The following NPSR1 variants were observed in gnomAD, a reference collection of about 807,000 sequenced individuals.
NPSR1 encodes the protein neuropeptide S receptor 1, also known as neuropeptide S receptor.
A neutral mutation model predicts 46.9 loss-of-function variants in NPSR1; 48 were observed. The ratio of observed to expected loss-of-function variants is 1.02; its 90% confidence interval spans 0.81 to 1.30. NPSR1 has a LOEUF of 1.30. Ranked by LOEUF, NPSR1 falls within the 50% of genes most tolerant of loss-of-function variation. The probability of loss-of-function intolerance (pLI) is 0.00; values close to 1 mark genes in which losing one functional copy is unlikely to be tolerated. For synonymous variants in NPSR1, 176 were observed against 168.1 expected (o/e 1.05, Z -0.36); for missense variants, 450 against 449.5 (o/e 1.00, Z -0.01).
Position 34,849,765 on chromosome 7 carries a change from A to G in NPSR1, c.*110A>G. The G allele has an allele frequency of 6.5e-7, 1 of 1,542,058 alleles. No homozygotes were observed. The highest frequency in any genetic ancestry group is 2.3e-5 in the East Asian group (1 of 43,814). On this transcript the variant is annotated 3_prime_UTR_variant, in exon 9 of 9. Coordinates refer to ENST00000360581, the MANE Select transcript of NPSR1 (RefSeq NM_207172.2). Reference sequence around the variant, plus strand: ...GAGCCAACTTCACCCCACCCTCGTCATTACCTGGGAGATGCACAAGACAAA... The same window carrying G: ...GAGCCAACTTCACCCCACCCTCGTCGTTACCTGGGAGATGCACAAGACAAA...
At chr7:34,848,451 G>T in intron 7 of NPSR1, 32 bp from the exon 8 acceptor site, 3 of 1,605,420 alleles carry the variant, frequency 1.9e-6, no homozygotes, top group Non-Finnish European at 2.6e-6. Flanking sequence ...ACTGCTACCT[G>T]CTGTGATGCT....
At chr7:34,675,628 A>T (rs558715097) in intron 1 of NPSR1, among the ~76,000 whole-genome samples, 7 of 152,362 alleles carry the variant, frequency 4.6e-5, no homozygotes, top group Admixed American at 2.0e-4. Flanking sequence ...GCCTGCCAGC[A>T]TGGGCATCCT....
intron 2 of NPSR1, among the ~76,000 whole-genome samples, chr7:34,730,080 A>C (rs1332361432): frequency 2.0e-5 from 3 of 152,204 alleles, no homozygotes; most frequent in Non-Finnish European, 4.4e-5. Flanking sequence ...GGTCATGAAT[A>C]AATTTTAAAA....
intron 6 of NPSR1, among the ~76,000 whole-genome samples, chr7:34,835,539 C>A (rs1790325172): frequency 6.6e-6 from 1 of 152,138 alleles, no homozygotes; most frequent in South Asian, 2.1e-4. Context: ...TTTGTTGGAC[C>A]AAGACAGAGC....
At chr7:34,877,254 A>T (rs1163100811) in intron 8 of NPSR1, among the ~76,000 whole-genome samples, 1 of 152,072 alleles carries the variant, frequency 6.6e-6, no homozygotes, top group Non-Finnish European at 1.5e-5. Context: ...ACTTGGATGC[A>T]TGGGGGTGTG....
At chr7:34,720,899 A>G (rs554157208) in intron 2 of NPSR1, among the ~76,000 whole-genome samples, 2 of 152,340 alleles carry the variant, frequency 1.3e-5, no homozygotes, top group East Asian at 1.9e-4. Context: ...TAGAGAAACC[A>G]TAAATAATTT....
rs117996983 is a variant in NPSR1 at position 34,720,639 on chromosome 7, A to C, written c.280+35955A>C. Among the ~76,000 whole-genome samples, 1,419 of 152,072 alleles carry C rather than the reference A, an allele frequency of 9.3e-3. 12 individuals carry two copies. Among genetic ancestry groups the C allele is most frequent in the Middle Eastern group, 0.017 (5 of 294 alleles). On this transcript the variant is annotated intron_variant, in intron 2 of 8. Transcript: ENST00000360581. ...ATGGGGAGTGAGTGTGCATGTACTT[A>C]ACTGCAGTATTTAAGAGTCCTGAAG...
chr7:34,747,101 G>A (rs1023479161), intron 2 of NPSR1, among the ~76,000 whole-genome samples: 1 of 147,114 alleles, frequency 6.8e-6, no homozygotes, highest in Non-Finnish European at 1.5e-5. Context: ...CTCCAGCCTG[G>A]CGACAGAGCA....
intron 1 of NPSR1, chr7:34,660,255 CTTAGAATGCTCAGATTCA>C: frequency 2.2e-6 from 1 of 455,046 alleles, no homozygotes; most frequent in South Asian, 1.6e-5. Context: ...TGGCCAGGAG[CTTAGAATGCTCAGATTCA>C]TTATTTGAGA....
chr7:34,820,253 T>C (rs538287581), intron 4 of NPSR1, among the ~76,000 whole-genome samples: 1 of 152,204 alleles, frequency 6.6e-6, no homozygotes, highest in Non-Finnish European at 1.5e-5. Flanking sequence ...GTGGTATGCA[T>C]TGGATATGTA....
chr7:34,741,743 C>T (rs923392661), intron 2 of NPSR1, among the ~76,000 whole-genome samples: 3 of 152,234 alleles, frequency 2.0e-5, no homozygotes, highest in South Asian at 2.1e-4. Context: ...TCTATACTGT[C>T]CCCTGTGACA....
chr7:34,821,158 A>G (rs1789540310), intron 4 of NPSR1, among the ~76,000 whole-genome samples: 1 of 130,464 alleles, frequency 7.7e-6, no homozygotes, highest in Admixed American at 8.5e-5. Flanking sequence ...TTTTTTAGAC[A>G]GAGTCTCACT....
chr7:34,690,574 GA>G (rs1793199016), intron 2 of NPSR1, among the ~76,000 whole-genome samples: 1 of 152,032 alleles, frequency 6.6e-6, no homozygotes, highest in Non-Finnish European at 1.5e-5. Flanking sequence ...ATTATTGAAG[GA>G]AAAACAAAAT....
Position 34,827,338 on chromosome 7 carries a change from C to T in NPSR1, c.479-63C>T, listed in dbSNP as rs897017652. On this transcript the variant is annotated intron_variant, in intron 4 of 8. Coordinates refer to ENST00000360581, the MANE Select transcript of NPSR1 (RefSeq NM_207172.2). Reference sequence around the variant, plus strand: ...CACAGTGATCCTTTTCTATAGCAGACTCCATTGTGCTCCCAAAAATGGTTG... The same window carrying T: ...CACAGTGATCCTTTTCTATAGCAGATTCCATTGTGCTCCCAAAAATGGTTG... 2.1e-6 allele frequency: 3 copies of T among 1,418,000 alleles called. No individual in the cohort carries two copies. In the African/African-American group the frequency reaches 4.2e-5, roughly 20 times the overall value. The allele number at this position is 1,418,000 out of a possible 1,614,324, so 87.8% of individuals were successfully genotyped here.
At chr7:34,732,469 T>C (rs1784468588) in intron 2 of NPSR1, among the ~76,000 whole-genome samples, 1 of 152,186 alleles carries the variant, frequency 6.6e-6, no homozygotes. Flanking sequence ...ATGATTTTGA[T>C]GTCATTTGTT....
chr7:34,856,173 T>A lies in NPSR1; in HGVS notation c.1025+7510T>A, dbSNP rs1380581774. On this transcript the variant is annotated intron_variant, in intron 8 of 8. Transcript: ENST00000359791. ...AATGTAGTAAAACAAGAAAAAAAAA[T>A]AAGATAAAAGGTATATGGATTCATA... Among the ~76,000 whole-genome samples the A allele has an allele frequency of 1.4e-5, 2 of 147,938 alleles. 1 individual carries two copies. The highest frequency in any genetic ancestry group is 5.3e-5 in the African/African-American group (2 of 37,944).
intron 1 of NPSR1, among the ~76,000 whole-genome samples, chr7:34,659,735 C>A (rs185156702): frequency 6.6e-6 from 1 of 152,256 alleles, no homozygotes; most frequent in East Asian, 1.9e-4. Flanking sequence ...CACAGCTCCA[C>A]GATGTAGCTT....
intron 2 of NPSR1, among the ~76,000 whole-genome samples, chr7:34,689,081 G>T (rs1030812343): frequency 1.3e-5 from 2 of 152,132 alleles, no homozygotes; most frequent in Non-Finnish European, 2.9e-5. Context: ...GCCTGCCATT[G>T]GGAGAACTGT....
chr7:34,682,742 C>T (rs1007115608), intron 1 of NPSR1, among the ~76,000 whole-genome samples: 2 of 152,196 alleles, frequency 1.3e-5, no homozygotes, highest in Non-Finnish European at 2.9e-5. Context: ...CCACTCAGTA[C>T]GGTCCTTTGC....
Sources: gnomAD v4.1 joint callset for allele counts (sites outside exome capture counted in the v4.1 genomes callset) on GRCh38, gnomAD v4.1.1 for gene constraint, MANE v1.5 for transcripts, NCBI Gene and HGNC (gene_info 2026-07-23, HGNC 2026-07-21) for gene names.